RAP2C: variants seen among roughly 807,000 people sequenced by gnomAD.
The protein encoded by RAP2C is ras-related protein Rap-2c.
In RAP2C, 3 loss-of-function variants were observed where a neutral mutation model predicts 8.9. That is an observed-to-expected ratio of 0.34 (90% CI 0.15 to 0.87). The LOEUF is 0.87. Ranked by LOEUF, RAP2C falls within the 40% of genes least tolerant of loss-of-function variation. The pLI is 0.51. For synonymous variants in RAP2C, 60 were observed against 52.1 expected, an observed-to-expected ratio of 1.15 and a Z score of -0.65; for missense variants, 76 against 133.7, an observed-to-expected ratio of 0.57 and a Z score of 2.13.
intron 1 of RAP2C, chrX:132,218,883 A>C (rs1569365359): frequency 8.9e-6 from 1 of 112,626 alleles, no homozygotes; most frequent in Non-Finnish European, 1.9e-5. Context: ...GTTTAGGCCT[A>C]AAGACTAATT....
chrX:132,217,238 T>C lies in RAP2C; in HGVS notation c.31A>G (p.Ser11Gly). 1 of 1,140,114 alleles carries C rather than the reference T, an allele frequency of 8.8e-7. No individual in the cohort carries two copies. Among genetic ancestry groups the C allele is most frequent in the Non-Finnish European group, 1.2e-6 (1 of 858,094 alleles). The allele number at this position is 1,140,114 out of a possible 1,213,427, so 94.0% of individuals were successfully genotyped here. Residue 11 changes from serine to glycine, a missense_variant, in exon 4 of 6, where the codon AGT (serine) becomes GGT (glycine). Physicochemically the swap from Ser to Gly is moderately conservative, Grantham distance 56 (BLOSUM62 0). Coordinates refer to ENST00000370874, the MANE Select transcript of RAP2C (RefSeq NM_001271186.2). Reference protein sequence around the residue: MREYKVVVLGSGGVGKSALTV... With the variant: MREYKVVVLGGGGVGKSALTV... ...AGGGCAGATTTGCCAACCCCTCCAC[T>C]CCCTAACACCACTACCTTGTATTCC...
In RAP2C at chrX:132,214,186, T is replaced by G. The variant is rs139834013; in HGVS notation, c.534A>C (p.Thr178=). The G allele has an allele frequency of 1.3e-3, 1,585 of 1,207,758 alleles. 12 individuals carry two copies. The East Asian group carries it at 0.027, about 21-fold the overall frequency. Residue 178 remains threonine, a synonymous_variant, in exon 5 of 6, where the codon ACA becomes ACC. Transcript: ENST00000370874. ...SLPEKQDQCC[T]TCVVQ is the part of the protein sequence containing the mutation. The stretch of plus-strand genomic sequence containing the variant: ...ATCTTCTTTACTGGACGACACAAGT[T>G]GTACAACACTGATCTTGCTTCTCCG...
intron 5 of RAP2C, among the ~76,000 whole-genome samples, chrX:132,206,208 G>GAGGA (rs959591194): frequency 1.8e-5 from 2 of 110,948 alleles, no homozygotes; most frequent in Non-Finnish European, 3.8e-5. Context: ...GGGAGGGAGG[G>GAGGA]AGGAAGGAAG....
chrX:132,206,507 G>C (rs1037175669), intron 5 of RAP2C, among the ~76,000 whole-genome samples: 1 of 112,457 alleles, frequency 8.9e-6, no homozygotes, highest in Admixed American at 9.4e-5. Flanking sequence ...TAGGGGAATA[G>C]AGTTATGTTT....
rs1930667827 is a variant in RAP2C, at chrX:132,217,695, G to A, written c.-427C>T. On this transcript the variant is annotated 5_prime_UTR_variant, in exon 4 of 6. Coordinates refer to ENST00000370874, the MANE Select transcript of RAP2C (RefSeq NM_001271186.2). ...CCGCCCTTCACACAAAGGGGCCCAG[G>A]GACCCCGCTTCCTGCTCGCGCAGCC... 1.7e-5 allele frequency: 2 copies of A among 119,863 alleles called. No individual in the cohort carries two copies. The highest frequency in any genetic ancestry group is 6.9e-4 in the South Asian group (2 of 2,895). 9.9% of individuals were successfully genotyped at this position (119,863 alleles called of 1,213,427 possible). A position where few individuals can be genotyped will look rare whatever the true frequency, so the allele number is the denominator to read the frequency against.
rs1282168843 is a variant in RAP2C, at chrX:132,205,537, G to T, written c.*85C>A. 9.0e-6 allele frequency: 1 copy of T among 111,475 alleles called. No homozygotes were observed. The highest frequency in any genetic ancestry group is 9.6e-5 in the Admixed American group (1 of 10,405). 9.2% of individuals were successfully genotyped at this position (111,475 alleles called of 1,213,427 possible). A position where few individuals can be genotyped will look rare whatever the true frequency, so the allele number is the denominator to read the frequency against. ...ACCAAGGCTCAGTTCTGCAACCCAG[G>T]TTGTAAAGTTCTCCAAAGCAGCATC... On this transcript the variant is annotated 3_prime_UTR_variant, in exon 6 of 6. Transcript: ENST00000370874.
intron 4 of RAP2C, among the ~76,000 whole-genome samples, chrX:132,215,711 CA>C (rs1244077713): frequency 3.6e-5 from 4 of 111,734 alleles, no homozygotes; most frequent in African/African-American, 1.3e-4. Context: ...GATAGAATAA[CA>C]AATCTCCTGA....
intron 5 of RAP2C, among the ~76,000 whole-genome samples, chrX:132,212,525 C>T (rs970050094): frequency 8.9e-6 from 1 of 112,222 alleles, no homozygotes; most frequent in African/African-American, 3.2e-5. Context: ...TAGCTGTCTA[C>T]ACTAATGATG....
At chrX:132,208,212 T>C (rs1930327104) in intron 5 of RAP2C, among the ~76,000 whole-genome samples, 1 of 111,722 alleles carries the variant, frequency 9.0e-6, no homozygotes, top group Non-Finnish European at 1.9e-5. Context: ...GGCAGCAGAA[T>C]GCCTGGTATG....
In RAP2C at chrX:132,204,783, C is replaced by T. The variant is rs1421889352; in HGVS notation, c.*839G>A. The T allele has an allele frequency of 9.0e-6, 1 of 110,595 alleles. No homozygotes were observed. Among genetic ancestry groups the T allele is most frequent in the Non-Finnish European group, 1.9e-5 (1 of 52,761 alleles). 9.1% of individuals were successfully genotyped at this position (110,595 alleles called of 1,213,427 possible). Reference sequence around the variant, plus strand: ...TTAATTTACCATGGATACAATATCCCTTTTCAAAGGCATTGCTAAATAGGT... The same window carrying T: ...TTAATTTACCATGGATACAATATCCTTTTTCAAAGGCATTGCTAAATAGGT... On this transcript the variant is annotated 3_prime_UTR_variant, in exon 6 of 6. Coordinates refer to ENST00000370874, the MANE Select transcript of RAP2C (RefSeq NM_001271186.2).
In RAP2C at chrX:132,214,384, G is replaced by A. The variant is rs1462615686; in HGVS notation, c.336C>T (p.Ile112=). The change falls in exon 5 of 6, where the codon ATC becomes ATT. Residue 112 remains isoleucine (I), a synonymous_variant. Transcript: ENST00000370874. ...RVKRYEKVPL[I]LVGNKVDLEP... Reference sequence around the variant, plus strand: ...CCAGATCCACTTTATTTCCTACTAGGATTAGTGGGACTTTTTCATATCTCT... The same window carrying A: ...CCAGATCCACTTTATTTCCTACTAGAATTAGTGGGACTTTTTCATATCTCT... 2 of 1,207,470 alleles carry A rather than the reference G, an allele frequency of 1.7e-6. No individual in the cohort carries two copies. Among genetic ancestry groups the A allele is most frequent in the Admixed American group, 4.4e-5 (2 of 45,832 alleles).
intron 5 of RAP2C, among the ~76,000 whole-genome samples, chrX:132,205,998 C>T (rs1930262567): frequency 9.0e-6 from 1 of 111,320 alleles, no homozygotes; most frequent in Admixed American, 9.6e-5. Flanking sequence ...TTATCAAATG[C>T]ATGTTAATTA....
chrX:132,209,829 A>T (rs933083799), intron 5 of RAP2C, among the ~76,000 whole-genome samples: 7 of 112,171 alleles, frequency 6.2e-5, no homozygotes, highest in Non-Finnish European at 1.3e-4. Context: ...CTCCACATCC[A>T]GAGCAGGTCT....
At chrX:132,214,553 C>T (rs1930518697) in intron 4 of RAP2C, 107 bp from the exon 5 acceptor site, 2 of 1,084,323 alleles carry the variant, frequency 1.8e-6, no homozygotes, top group Non-Finnish European at 2.4e-6. Context: ...GTATACAAAG[C>T]TGAATCCAAA....
intron 5 of RAP2C, among the ~76,000 whole-genome samples, chrX:132,209,687 C>T (rs1930375000): frequency 9.0e-6 from 1 of 111,631 alleles, no homozygotes; most frequent in African/African-American, 3.3e-5. Flanking sequence ...CATTCTAAGC[C>T]AGAGAGGTAA....
At chrX:132,207,289 G>C (rs763767473) in intron 5 of RAP2C, among the ~76,000 whole-genome samples, 22 of 111,369 alleles carry the variant, frequency 2.0e-4, no homozygotes, top group Non-Finnish European at 4.0e-4. Flanking sequence ...AAATATTAAA[G>C]ACCTCTTCAA....
intron 5 of RAP2C, among the ~76,000 whole-genome samples, chrX:132,209,662 A>G (rs887194183): frequency 1.8e-5 from 2 of 112,151 alleles, no homozygotes; most frequent in Non-Finnish European, 3.8e-5. Flanking sequence ...ATTTTTGTTA[A>G]TTCTACTGAT....
intron 5 of RAP2C, among the ~76,000 whole-genome samples, chrX:132,208,860 T>C (rs1930348352): frequency 9.1e-6 from 1 of 110,167 alleles, no homozygotes; most frequent in South Asian, 3.8e-4. Context: ...AGAGTCGGGG[T>C]CTCATTACAT....
rs752946402 is a variant in RAP2C at position 132,214,345 on chromosome X, C to T, written c.375G>A (p.Glu125=). 2 of 1,212,033 alleles carry T rather than the reference C, an allele frequency of 1.7e-6. No homozygotes were observed. The highest frequency in any genetic ancestry group is 2.2e-6 in the Non-Finnish European group (2 of 895,541). Residue 125 remains glutamate (E), a synonymous_variant, in exon 5 of 6, where the codon GAG becomes GAA. Transcript: ENST00000370874. ...GNKVDLEPER[E]VMSSEGRALA... ...GAGCTCTGCCTTCTGAAGACATAAC[C>T]TCTCTTTCTGGTTCCAGATCCACTT...
Sources: allele counts gnomAD v4.1 joint callset (sites outside exome capture counted in the v4.1 genomes callset), GRCh38; gene constraint gnomAD v4.1.1; transcripts MANE v1.5; gene names NCBI Gene and HGNC (gene_info 2026-07-23, HGNC 2026-07-21).